SCN11A: variants seen among roughly 807,000 people sequenced by gnomAD.
The protein encoded by SCN11A is sodium channel protein type 11 subunit alpha.
In SCN11A, 122 loss-of-function variants were observed where a neutral mutation model predicts 162.2. That is an observed-to-expected ratio of 0.75 (90% CI 0.65 to 0.87). The LOEUF (loss-of-function observed/expected upper bound fraction) is 0.87. Among genes scored for constraint, SCN11A ranks in the 40% least tolerant of loss-of-function variants. SCN11A has a pLI of 0.00. For synonymous variants in SCN11A, 758 were observed against 751.5 expected, an observed-to-expected ratio of 1.01 and a Z score of -0.14; for missense variants, 2,015 against 2,181.6, an observed-to-expected ratio of 0.92 and a Z score of 1.52.
At chr3:38,936,252 C>G (rs1309110165) in intron 7 of SCN11A, among the ~76,000 whole-genome samples, 3 of 152,104 alleles carry the variant, frequency 2.0e-5, no homozygotes, top group Non-Finnish European at 2.9e-5. Context: ...GACAAACCCA[C>G]AGCCAATATC....
intron 2 of SCN11A, among the ~76,000 whole-genome samples, chr3:39,032,158 T>A (rs1457465358): frequency 6.6e-6 from 1 of 152,174 alleles, no homozygotes; most frequent in Non-Finnish European, 1.5e-5. Context: ...TAAAATAAAC[T>A]CAGTTGCTCA....
At chr3:38,993,504 A>G (rs2030518635) in intron 2 of SCN11A, among the ~76,000 whole-genome samples, 1 of 152,218 alleles carries the variant, frequency 6.6e-6, no homozygotes. Context: ...AACAGGACGG[A>G]AATTGGTTTT....
At chr3:38,911,137 G>A (rs2065881952) in intron 11 of SCN11A, among the ~76,000 whole-genome samples, 2 of 152,004 alleles carry the variant, frequency 1.3e-5, no homozygotes, top group Non-Finnish European at 1.5e-5. Context: ...TTCTTGCTAT[G>A]GTAGACATTT....
intron 1 of SCN11A, among the ~76,000 whole-genome samples, chr3:39,047,030 C>T (rs1279569546): frequency 9.2e-6 from 1 of 108,524 alleles, no homozygotes; most frequent in Non-Finnish European, 1.8e-5. Flanking sequence ...CCCCCACCCC[C>T]CACCCCCACC....
rs559460990 is a variant in SCN11A, at chr3:38,924,678, T to G, written c.712+737A>C. On this transcript the variant is annotated intron_variant, in intron 9 of 29. Transcript: ENST00000302328. ...GTGAGCCACTGCACCTGGCCTTAAC[T>G]CTTGTATTTTTGTAGAGACGAGGCT... Among the ~76,000 whole-genome samples the G allele has an allele frequency of 9.9e-5, 15 of 152,130 alleles. No homozygotes were observed. In the South Asian group the frequency reaches 2.9e-3, roughly 29 times the overall value.
At chr3:38,920,781 A>G (rs574301753) in intron 10 of SCN11A, among the ~76,000 whole-genome samples, 3 of 152,284 alleles carry the variant, frequency 2.0e-5, no homozygotes, top group South Asian at 2.1e-4. Flanking sequence ...CAAGCATTCT[A>G]AAAACTTCTG....
At chr3:38,870,614 G>T in intron 26 of SCN11A, 77 bp downstream of exon 26, 1 of 1,280,556 alleles carries the variant, frequency 7.8e-7, no homozygotes, top group Non-Finnish European at 1.1e-6. Flanking sequence ...TATGACGCCA[G>T]TTCTGGACTG....
intron 2 of SCN11A, among the ~76,000 whole-genome samples, chr3:38,984,630 C>A (rs1170924893): frequency 6.6e-6 from 1 of 152,106 alleles, no homozygotes; most frequent in Non-Finnish European, 1.5e-5. Context: ...CCAGCCTCAG[C>A]CTCCCAAGTA....
At chr3:38,986,604 C>T (rs1436771904) in intron 2 of SCN11A, among the ~76,000 whole-genome samples, 1 of 152,166 alleles carries the variant, frequency 6.6e-6, no homozygotes, top group Non-Finnish European at 1.5e-5. Context: ...GTATCTCTCC[C>T]TCCCTCCTTC....
chr3:38,925,890 A>G (rs2066132789), intron 8 of SCN11A, among the ~76,000 whole-genome samples: 1 of 152,252 alleles, frequency 6.6e-6, no homozygotes, highest in South Asian at 2.1e-4. Flanking sequence ...CTGAATGTGT[A>G]GCCAGGCAGT....
At position 39,008,655 on chromosome 3, in the gene SCN11A, G is replaced by A. The variant is rs544444918; in HGVS notation, c.-280+23725C>T. On this transcript the variant is annotated intron_variant, in intron 2 of 29. Transcript: ENST00000302328. ...TGTAATCCCAGCACTTTGAGAGGCC[G>A]AGGTGGGTGGATCACCTGAGGTCAG... 3.9e-5 allele frequency among the ~76,000 whole-genome samples: 6 copies of A among 152,250 alleles called. No individual in the cohort carries two copies. In the East Asian group the frequency reaches 5.8e-4, roughly 15 times the overall value.
At chr3:38,947,397 T>C (rs1234598584) in intron 5 of SCN11A, among the ~76,000 whole-genome samples, 1 of 152,182 alleles carries the variant, frequency 6.6e-6, no homozygotes, top group Non-Finnish European at 1.5e-5. Flanking sequence ...GTCACCAAGT[T>C]TCCTGGATTT....
intron 2 of SCN11A, among the ~76,000 whole-genome samples, chr3:38,991,901 C>T (rs2030464296): frequency 6.6e-6 from 1 of 152,134 alleles, no homozygotes; most frequent in Non-Finnish European, 1.5e-5. Flanking sequence ...CTCTGCCTCC[C>T]AGGTTCAAGT....
intron 2 of SCN11A, among the ~76,000 whole-genome samples, chr3:39,018,165 C>T (rs2031346100): frequency 6.6e-6 from 1 of 152,164 alleles, no homozygotes; most frequent in Non-Finnish European, 1.5e-5. Flanking sequence ...TTTTGTGAAC[C>T]CTGGGCACTG....
intron 2 of SCN11A, among the ~76,000 whole-genome samples, chr3:39,022,170 A>G (rs922243815): frequency 6.6e-6 from 1 of 151,356 alleles, no homozygotes; most frequent in Non-Finnish European, 1.5e-5. Context: ...AGGGCCAAAA[A>G]CTCCACCCTC....
intron 1 of SCN11A, among the ~76,000 whole-genome samples, chr3:39,036,899 T>C (rs2031917470): frequency 6.6e-6 from 1 of 152,244 alleles, no homozygotes; most frequent in Admixed American, 6.5e-5. Context: ...ACAGCCACTC[T>C]GGAGAACAGT....
intron 28 of SCN11A, among the ~76,000 whole-genome samples, chr3:38,858,606 A>C (rs1241057602): frequency 6.6e-6 from 1 of 152,206 alleles, no homozygotes; most frequent in East Asian, 1.9e-4. Flanking sequence ...CGGGTAATCA[A>C]GACAGAAATT....
chr3:38,921,825 T>C (rs1351590808), intron 9 of SCN11A, among the ~76,000 whole-genome samples: 2 of 152,204 alleles, frequency 1.3e-5, no homozygotes, highest in African/African-American at 2.4e-5. Context: ...AAGAAGTATT[T>C]ATTAAGCACC....
intron 28 of SCN11A, among the ~76,000 whole-genome samples, chr3:38,860,855 C>T (rs1196537741): frequency 6.6e-6 from 1 of 152,138 alleles, no homozygotes; most frequent in Non-Finnish European, 1.5e-5. Flanking sequence ...ACTTTCACCA[C>T]TTCTATTCAA....
Sources: gnomAD v4.1 joint callset for allele counts (sites outside exome capture counted in the v4.1 genomes callset) on GRCh38, gnomAD v4.1.1 for gene constraint, MANE v1.5 for transcripts, NCBI Gene and HGNC (gene_info 2026-07-23, HGNC 2026-07-21) for gene names.